Variants in EFNB2 observed in about 807,000 individuals in gnomAD.
EFNB2 encodes the protein ephrin-B2.
Under a neutral mutation model 32.1 loss-of-function variants are expected in EFNB2, and 5 were observed. The observed-to-expected ratio is 0.16, with a 90% CI of 0.08 to 0.33. The LOEUF is 0.33. Ranked by LOEUF, EFNB2 falls within the 10% of genes least tolerant of loss-of-function variation. The probability of loss-of-function intolerance (pLI) is 1.00; values close to 1 mark genes in which losing one functional copy is unlikely to be tolerated. For missense variants in EFNB2, 263 were observed against 422.6 expected, an observed-to-expected ratio of 0.62 and a Z score of 3.31; for synonymous variants, 168 against 166.5, an observed-to-expected ratio of 1.01 and a Z score of -0.07.
intron 2 of EFNB2, among the ~76,000 whole-genome samples, chr13:106,504,694 T>C (rs1487330966): frequency 2.0e-5 from 3 of 152,206 alleles, no homozygotes; most frequent in Non-Finnish European, 4.4e-5. Flanking sequence ...TCACCCAGCC[T>C]GGCTCCTCTG....
intron 2 of EFNB2, among the ~76,000 whole-genome samples, chr13:106,503,960 G>A (rs778622987): frequency 1.4e-4 from 21 of 152,164 alleles, no homozygotes; most frequent in Non-Finnish European, 2.9e-4. Flanking sequence ...CTGTACTTAA[G>A]CATCAGATTT....
At chr13:106,531,036 T>C (rs1315705635) in intron 1 of EFNB2, among the ~76,000 whole-genome samples, 1 of 152,216 alleles carries the variant, frequency 6.6e-6, no homozygotes, top group African/African-American at 2.4e-5. Flanking sequence ...CCACACACTT[T>C]AGCTTAAGTC....
chr13:106,521,588 A>T (rs963826367), intron 1 of EFNB2: 8 of 152,194 alleles, frequency 5.3e-5, no homozygotes, highest in Non-Finnish European at 7.3e-5. Flanking sequence ...CAATTAGCAT[A>T]TGAGTCAAAA....
intron 2 of EFNB2, among the ~76,000 whole-genome samples, chr13:106,500,780 A>G (rs1189574822): frequency 2.0e-5 from 3 of 152,188 alleles, no homozygotes; most frequent in Non-Finnish European, 4.4e-5. Flanking sequence ...CTTCCTACAC[A>G]TCAGTTTCCT....
At chr13:106,499,838 G>T (rs1878713708) in intron 2 of EFNB2, among the ~76,000 whole-genome samples, 1 of 152,142 alleles carries the variant, frequency 6.6e-6, no homozygotes, top group Non-Finnish European at 1.5e-5. Context: ...TGCTTCAGGG[G>T]TCTAACTGCA....
intron 2 of EFNB2, among the ~76,000 whole-genome samples, chr13:106,497,043 A>T (rs1262564776): frequency 3.3e-5 from 5 of 152,236 alleles, no homozygotes; most frequent in Admixed American, 6.5e-5. Context: ...GTAAAAATAA[A>T]TCCCAAAGAC....
In EFNB2 at chr13:106,492,841, G is replaced by A. The variant is rs1465745394; in HGVS notation, c.*199C>T. 1.4e-5 allele frequency: 9 copies of A among 647,810 alleles called. No homozygotes were observed. Among genetic ancestry groups the A allele is most frequent in the Non-Finnish European group, 2.0e-5 (8 of 391,052 alleles). The allele number at this position is 647,810 out of a possible 1,614,324, so 40.1% of individuals were successfully genotyped here. A position where few individuals can be genotyped will look rare whatever the true frequency, so the allele number is the denominator to read the frequency against. On this transcript the variant is annotated 3_prime_UTR_variant, in exon 5 of 5. Transcript: ENST00000646441. The surrounding 1 kb of genome is among the most constrained non-coding windows in gnomAD (Gnocchi z 5.1). ...TGCACAGTCTTCCAGCTTCCAGGGA[G>A]CGTGTGTGTTCACCAAGGCCGAATG... is the stretch of plus-strand genomic sequence containing the variant.
At position 106,531,935 on chromosome 13, in the gene EFNB2, A is replaced by AT. The variant is rs200625114; in HGVS notation, c.122+2907dup. 2.1e-3 allele frequency among the ~76,000 whole-genome samples: 325 copies of AT among 151,746 alleles called. 1 individual carries two copies. Among genetic ancestry groups the AT allele is most frequent in the South Asian group, 6.5e-3 (31 of 4,790 alleles). ...ATTTGCTCACATTAAAGTAAAATTAATTTTTTTTTAAAAAAGAGCCCACTA... is the reference window on the plus strand; with the variant it reads ...ATTTGCTCACATTAAAGTAAAATTAATTTTTTTTTTAAAAAAGAGCCCACTA... On this transcript the variant is annotated intron_variant, in intron 1 of 4. Transcript: ENST00000646441.
rs1407570193 is a variant in EFNB2 at position 106,535,057 on chromosome 13, G to A, written c.-93C>T. 3.9e-6 allele frequency: 6 copies of A among 1,524,530 alleles called. No homozygotes were observed. Among genetic ancestry groups the A allele is most frequent in the Middle Eastern group, 2.2e-4 (1 of 4,554 alleles). 94.4% of individuals were successfully genotyped at this position (1,524,530 alleles called of 1,614,324 possible). A position where few individuals can be genotyped will look rare whatever the true frequency, so the allele number is the denominator to read the frequency against. On this transcript the variant is annotated 5_prime_UTR_variant, in exon 1 of 5. Transcript: ENST00000646441. ...CCCAATCCTCCGGGGCAGACTGGCG[G>A]GGAAGACGGCGTGCGCCCGCAGGCA...
chr13:106,525,570 T>TA lies in EFNB2; in HGVS notation c.122+9272dup, dbSNP rs1277882720. On this transcript the variant is annotated intron_variant, in intron 1 of 4. Coordinates refer to ENST00000646441, the MANE Select transcript of EFNB2 (RefSeq NM_004093.4). ...TGAAATACTGTTTCTTTGGCTTGCT[T>TA]ACTATTTTCTTTATTTCAGCTGTCT... Among the ~76,000 whole-genome samples, 6 of 152,278 alleles carry TA rather than the reference T, an allele frequency of 3.9e-5. No individual in the cohort carries two copies. In the East Asian group the frequency reaches 1.2e-3, roughly 29 times the overall value.
chr13:106,501,864 T>G (rs1000527588), intron 2 of EFNB2, among the ~76,000 whole-genome samples: 1 of 152,194 alleles, frequency 6.6e-6, no homozygotes, highest in Non-Finnish European at 1.5e-5. Context: ...AGTGCTAGGA[T>G]TACAGGCGTG....
chr13:106,521,365 G>T (rs1337113236), intron 1 of EFNB2: 2 of 152,136 alleles, frequency 1.3e-5, no homozygotes, highest in Non-Finnish European at 2.9e-5. Flanking sequence ...AAGGTGAGGT[G>T]TATTTGTGCC....
intron 1 of EFNB2, among the ~76,000 whole-genome samples, chr13:106,523,977 CAAAT>C (rs887451543): frequency 2.0e-4 from 31 of 152,266 alleles, no homozygotes; most frequent in African/African-American, 7.0e-4. Flanking sequence ...AAGGAACAAT[CAAAT>C]GTTACAATTT....
At chr13:106,500,550 A>G (rs1878741231) in intron 2 of EFNB2, among the ~76,000 whole-genome samples, 1 of 152,240 alleles carries the variant, frequency 6.6e-6, no homozygotes, top group Non-Finnish European at 1.5e-5. Context: ...GAAGAAGTCC[A>G]ACAGAGAGAC....
At chr13:106,503,452 G>C (rs536577877) in intron 2 of EFNB2, among the ~76,000 whole-genome samples, 1 of 152,120 alleles carries the variant, frequency 6.6e-6, no homozygotes, top group African/African-American at 2.4e-5. Flanking sequence ...TAGGGAATCC[G>C]GGAGTGGCCA....
chr13:106,526,102 T>C (rs1324659693), intron 1 of EFNB2, among the ~76,000 whole-genome samples: 1 of 152,088 alleles, frequency 6.6e-6, no homozygotes, highest in Non-Finnish European at 1.5e-5. Flanking sequence ...TCAGGAACTC[T>C]GGGGGTGGGG....
intron 1 of EFNB2, 22 bp downstream of exon 1, chr13:106,534,821 G>C: frequency 2.5e-6 from 4 of 1,606,252 alleles, no homozygotes; most frequent in Non-Finnish European, 3.4e-6. Context: ...GGGGACATAG[G>C]GGGATCGCGG....
intron 2 of EFNB2, among the ~76,000 whole-genome samples, chr13:106,508,033 A>G (rs1210306566): frequency 2.0e-5 from 3 of 152,206 alleles, no homozygotes; most frequent in East Asian, 3.8e-4. Context: ...TGATTTTGGT[A>G]GTGTGACGAA....
At chr13:106,514,601 C>A (rs1053204058) in intron 1 of EFNB2, among the ~76,000 whole-genome samples, 1 of 152,168 alleles carries the variant, frequency 6.6e-6, no homozygotes, top group Non-Finnish European at 1.5e-5. Flanking sequence ...TTAAATTGAT[C>A]ATCTTCCTGA....
Sources: gnomAD v4.1 joint callset for allele counts (sites outside exome capture counted in the v4.1 genomes callset) on GRCh38, gnomAD v4.1.1 for gene constraint, Gnocchi (gnomAD v3.1) non-coding constraint, MANE v1.5 for transcripts, NCBI Gene and HGNC (gene_info 2026-07-23, HGNC 2026-07-21) for gene names.